GRXCR1: variants seen among roughly 807,000 people sequenced by gnomAD.
GRXCR1 encodes the protein glutaredoxin and cysteine rich domain containing 1.
In GRXCR1, 27 loss-of-function variants were observed where a neutral mutation model predicts 27.3. That is an observed-to-expected ratio of 0.99 (90% CI 0.73 to 1.37). The LOEUF (loss-of-function observed/expected upper bound fraction) is 1.37. GRXCR1 is among the 40% of genes most tolerant of loss of function. The pLI is 0.00. For missense variants in GRXCR1, 379 were observed against 354.4 expected, an observed-to-expected ratio of 1.07 and a Z score of -0.56; for synonymous variants, 122 against 131.1, an observed-to-expected ratio of 0.93 and a Z score of 0.47.
At chr4:42,969,362 G>A (rs1011689896) in intron 2 of GRXCR1, among the ~76,000 whole-genome samples, 4 of 152,092 alleles carry the variant, frequency 2.6e-5, no homozygotes, top group African/African-American at 9.7e-5. Context: ...CTGAGACTGG[G>A]TAATTTATGA....
At chr4:42,937,367 A>G (rs535682087) in intron 1 of GRXCR1, among the ~76,000 whole-genome samples, 1 of 151,642 alleles carries the variant, frequency 6.6e-6, no homozygotes, top group East Asian at 1.9e-4. Context: ...CAGTGCTATA[A>G]TTAGCTGTTT....
intron 1 of GRXCR1, among the ~76,000 whole-genome samples, chr4:42,913,521 G>C (rs1162460836): frequency 1.3e-5 from 2 of 152,292 alleles, no homozygotes; most frequent in Non-Finnish European, 2.9e-5. Flanking sequence ...TTATCTGGCA[G>C]AAGAAATTTC....
rs554201236 is a variant in GRXCR1, at chr4:42,914,960, C to A, written c.384+21310C>A. ...TGTCACCCTCTAAAGAGGTGTCTTC[C>A]ACCATGATTGTAAGTTTCCTGAGGC... On this transcript the variant is annotated intron_variant, in intron 1 of 3. Transcript: ENST00000399770. 1.2e-4 allele frequency among the ~76,000 whole-genome samples: 19 copies of A among 152,166 alleles called. No individual in the cohort carries two copies. The South Asian group carries it at 3.7e-3, about 30-fold the overall frequency.
rs541478390 is a variant in GRXCR1 at position 43,014,967 on chromosome 4, T to C, written c.628-5387T>C. ...CTGAGAGCACAAAGAAGGAATTGAC[T>C]GATTTTGTCTGGGAAAATAAAGAAA... On this transcript the variant is annotated intron_variant, in intron 2 of 3. Coordinates refer to ENST00000399770, the MANE Select transcript of GRXCR1 (RefSeq NM_001080476.3). Among the ~76,000 whole-genome samples the C allele has an allele frequency of 2.0e-5, 3 of 152,310 alleles. No individual in the cohort carries two copies. In the South Asian group the frequency reaches 6.2e-4, roughly 32 times the overall value.
At chr4:42,982,715 C>T (rs1711530593) in intron 2 of GRXCR1, among the ~76,000 whole-genome samples, 1 of 144,536 alleles carries the variant, frequency 6.9e-6, no homozygotes, top group African/African-American at 2.5e-5. Context: ...TCTCCAGCAC[C>T]TGTTGTTTCC....
intron 1 of GRXCR1, among the ~76,000 whole-genome samples, chr4:42,904,725 A>T (rs17534403): frequency 0.2 from 29,813 of 152,148 alleles, 3,001 homozygotes; most frequent in South Asian, 0.31. Context: ...CCTTCTTCAA[A>T]CAAATTGTGA....
rs727503090 is a variant in GRXCR1, at chr4:43,030,480, C to A, written c.813C>A (p.Ala271=). The change falls in exon 4 of 4, where the codon GCC becomes GCA. Residue 271 remains alanine (A), a synonymous_variant. Transcript: ENST00000399770. ...FRNCFTDSFK[A]LKCTACNENG... is the part of the protein sequence containing the mutation. Reference sequence around the variant, plus strand: ...ACTGCTTCACAGACTCTTTCAAAGCCCTGAAGTGTACGGCTTGCAATGAAA... The same window carrying A: ...ACTGCTTCACAGACTCTTTCAAAGCACTGAAGTGTACGGCTTGCAATGAAA... 2.3e-5 allele frequency: 37 copies of A among 1,613,878 alleles called. No individual in the cohort carries two copies. Among genetic ancestry groups the A allele is most frequent in the Non-Finnish European group, 3.0e-5 (35 of 1,179,976 alleles).
At chr4:42,942,261 G>C (rs1209593954) in intron 1 of GRXCR1, among the ~76,000 whole-genome samples, 1 of 151,810 alleles carries the variant, frequency 6.6e-6, no homozygotes, top group East Asian at 1.9e-4. Flanking sequence ...AGAAAAGGTG[G>C]GGGAGTTGAA....
intron 1 of GRXCR1, among the ~76,000 whole-genome samples, chr4:42,939,017 A>G (rs914147290): frequency 2.0e-5 from 3 of 152,064 alleles, no homozygotes; most frequent in African/African-American, 7.2e-5. Flanking sequence ...GATAAATTTT[A>G]GAATTGCTTT....
At chr4:43,030,334 C>G in intron 3 of GRXCR1, 27 bp from the exon 4 acceptor site, 1 of 1,609,626 alleles carries the variant, frequency 6.2e-7, no homozygotes, top group Non-Finnish European at 8.5e-7. Context: ...CCTCTGTTTT[C>G]TCTTGTTCCC....
chr4:42,906,701 G>T (rs1269791265), intron 1 of GRXCR1, among the ~76,000 whole-genome samples: 1 of 152,264 alleles, frequency 6.6e-6, no homozygotes, highest in Middle Eastern at 3.4e-3. Flanking sequence ...AGTAGTATTA[G>T]CAATACAAGC....
chr4:42,953,913 A>G (rs182252578), intron 1 of GRXCR1, among the ~76,000 whole-genome samples: 1 of 152,100 alleles, frequency 6.6e-6, no homozygotes, highest in Non-Finnish European at 1.5e-5. Context: ...TCCCCATGAA[A>G]TAGGCACTAG....
chr4:42,898,216 G>T (rs547575128), intron 1 of GRXCR1, among the ~76,000 whole-genome samples: 16 of 151,548 alleles, frequency 1.1e-4, no homozygotes, highest in African/African-American at 3.6e-4. Context: ...CATTTAGTTA[G>T]CAGGTTTTAC....
At chr4:43,017,177 G>T (rs1712956513) in intron 2 of GRXCR1, among the ~76,000 whole-genome samples, 1 of 152,160 alleles carries the variant, frequency 6.6e-6, no homozygotes, top group Non-Finnish European at 1.5e-5. Flanking sequence ...TTCATTCTGG[G>T]CGTGGAGTCA....
chr4:42,982,209 C>A (rs1449246094), intron 2 of GRXCR1, among the ~76,000 whole-genome samples: 1 of 148,660 alleles, frequency 6.7e-6, no homozygotes, highest in Non-Finnish European at 1.5e-5. Flanking sequence ...TCCCCCCTCC[C>A]CCTACCCCAC....
chr4:42,915,415 G>A (rs536616013), intron 1 of GRXCR1, among the ~76,000 whole-genome samples: 1 of 152,216 alleles, frequency 6.6e-6, no homozygotes, highest in Admixed American at 6.5e-5. Flanking sequence ...GAATCAATTA[G>A]GGTGTGTAGG....
chr4:42,905,221 C>G (rs1442395328), intron 1 of GRXCR1, among the ~76,000 whole-genome samples: 1 of 152,192 alleles, frequency 6.6e-6, no homozygotes, highest in African/African-American at 2.4e-5. Context: ...GTTTGCCAGC[C>G]TGGCTCTGCT....
Position 42,962,928 on chromosome 4 carries a change from A to AT in GRXCR1, c.424dup (p.Tyr142LeufsTer13). 6.2e-7 allele frequency: 1 copy of AT among 1,612,730 alleles called. No homozygotes were observed. The highest frequency in any genetic ancestry group is 8.5e-7 in the Non-Finnish European group (1 of 1,178,994). The stretch of plus-strand genomic sequence containing the variant: ...TGATCTAGAATTTGACCGTGTAGTG[A>AT]TTTATACCACCTGCCTTCGTGTGGT... On this transcript the variant is annotated frameshift_variant, in exon 2 of 4. Coordinates refer to ENST00000399770, the MANE Select transcript of GRXCR1 (RefSeq NM_001080476.3). LOFTEE classifies it high-confidence loss of function.
At chr4:42,949,430 T>C (rs960014724) in intron 1 of GRXCR1, among the ~76,000 whole-genome samples, 4 of 151,398 alleles carry the variant, frequency 2.6e-5, no homozygotes, top group Non-Finnish European at 5.9e-5. Flanking sequence ...TTATTGTTTA[T>C]CACATGAGTT....
Sources: allele counts gnomAD v4.1 joint callset (sites outside exome capture counted in the v4.1 genomes callset), GRCh38; gene constraint gnomAD v4.1.1; transcripts MANE v1.5; gene names NCBI Gene and HGNC (gene_info 2026-07-23, HGNC 2026-07-21).